MCTP2: variants seen among roughly 807,000 people sequenced by gnomAD.
MCTP2 encodes the protein multiple C2 and transmembrane domain containing 2, also known as multiple C2 and transmembrane domain-containing protein 2.
In MCTP2, 132 loss-of-function variants were observed where a neutral mutation model predicts 111.6. The observed-to-expected ratio is 1.18, with a 90% CI of 1.03 to 1.37. MCTP2 has a LOEUF of 1.37. Among genes scored for constraint, MCTP2 ranks in the 40% most tolerant of loss-of-function variants. The pLI is 0.00. For missense variants in MCTP2, 1,183 were observed against 1,067.9 expected (o/e 1.11, Z -1.50); for synonymous variants, 395 against 387.7 (o/e 1.02, Z -0.22).
intron 1 of MCTP2, among the ~76,000 whole-genome samples, chr15:94,276,006 C>T (rs1331737482): frequency 2.0e-5 from 3 of 151,956 alleles, no homozygotes; most frequent in East Asian, 1.9e-4. Flanking sequence ...CCACCATGCC[C>T]AGCTAATTTT....
intron 19 of MCTP2, among the ~76,000 whole-genome samples, chr15:94,453,676 A>G (rs2084615642): frequency 6.6e-6 from 1 of 151,088 alleles, no homozygotes; most frequent in Non-Finnish European, 1.5e-5. Flanking sequence ...CAGTATATAA[A>G]TAAAAACACA....
At chr15:94,394,049 C>CAAAAAAAAAAAAAAAAAAAAAAAAAAAA (rs767685107) in intron 14 of MCTP2, among the ~76,000 whole-genome samples, 1 of 61,774 alleles carries the variant, frequency 1.6e-5, no homozygotes, top group African/African-American at 5.8e-5. Flanking sequence ...AACTCCATCT[C>CAAAAAAAAAAAAAAAAAAAAAAAAAAAA]AAAAAAAAAA....
At chr15:94,363,698 G>A (rs1167187780) in intron 10 of MCTP2, among the ~76,000 whole-genome samples, 1 of 152,048 alleles carries the variant, frequency 6.6e-6, no homozygotes, top group South Asian at 2.1e-4. Context: ...GATTTCCATC[G>A]TGTAAATCTT....
chr15:94,276,510 T>G (rs1012883434), intron 1 of MCTP2, among the ~76,000 whole-genome samples: 1 of 151,912 alleles, frequency 6.6e-6, no homozygotes, highest in Non-Finnish European at 1.5e-5. Flanking sequence ...AAGTCTTTCT[T>G]TGCTGAAAGT....
intron 1 of MCTP2, among the ~76,000 whole-genome samples, chr15:94,275,118 G>T (rs2074119257): frequency 6.6e-6 from 1 of 152,144 alleles, no homozygotes; most frequent in Non-Finnish European, 1.5e-5. Context: ...ACTTACAATA[G>T]AAATTTTTAT....
chr15:94,258,837 A>C (rs950984587), intron 1 of MCTP2, among the ~76,000 whole-genome samples: 1 of 152,200 alleles, frequency 6.6e-6, no homozygotes, highest in African/African-American at 2.4e-5. Flanking sequence ...AAAGGATTTA[A>C]TTATTCAGAT....
intron 1 of MCTP2, among the ~76,000 whole-genome samples, chr15:94,257,978 G>A (rs2072935109): frequency 6.7e-6 from 1 of 149,992 alleles, no homozygotes; most frequent in Middle Eastern, 3.3e-3. Context: ...TCCATCTCCT[G>A]AGTTCAAGCA....
chr15:94,311,033 T>A (rs2076109045), intron 2 of MCTP2, among the ~76,000 whole-genome samples: 1 of 150,444 alleles, frequency 6.6e-6, no homozygotes, highest in Non-Finnish European at 1.5e-5. Context: ...TTTTTTTTTT[T>A]TTTATTTTTG....
intron 1 of MCTP2, among the ~76,000 whole-genome samples, chr15:94,232,194 T>C (rs1185045710): frequency 6.6e-6 from 1 of 152,260 alleles, no homozygotes; most frequent in Non-Finnish European, 1.5e-5. Context: ...ACAGTGATGT[T>C]GGTGGTGAAC....
chr15:94,379,791 T>A (rs2080012895), intron 12 of MCTP2, among the ~76,000 whole-genome samples: 1 of 144,904 alleles, frequency 6.9e-6, no homozygotes, highest in Admixed American at 6.9e-5. Flanking sequence ...TAATTATATA[T>A]GATATGTAAT....
At chr15:94,380,106 G>A (rs781397293) in intron 12 of MCTP2, among the ~76,000 whole-genome samples, 6 of 151,684 alleles carry the variant, frequency 4.0e-5, no homozygotes, top group Admixed American at 1.3e-4. Flanking sequence ...TCATGCTCTC[G>A]TCTGCATTTC....
In MCTP2 at chr15:94,481,983, C is replaced by T. The variant is rs895758077; in HGVS notation, c.*2949C>T. The T allele has an allele frequency of 3.3e-5, 5 of 152,104 alleles. No homozygotes were observed. The highest frequency in any genetic ancestry group is 3.3e-4 in the Admixed American group (5 of 15,286). 9.4% of individuals were successfully genotyped at this position (152,104 alleles called of 1,614,324 possible). A position where few individuals can be genotyped will look rare whatever the true frequency, so the allele number is the denominator to read the frequency against. ...AATCCCTGACTATGTCAATTATAAA[C>T]TTTTAAATTATGTCTTATATTTGAA... On this transcript the variant is annotated 3_prime_UTR_variant, in exon 23 of 23. Transcript: ENST00000357742.
intron 19 of MCTP2, among the ~76,000 whole-genome samples, chr15:94,449,902 C>G (rs2084336535): frequency 6.6e-6 from 1 of 152,098 alleles, no homozygotes; most frequent in African/African-American, 2.4e-5. Flanking sequence ...CCTTGTTTAC[C>G]TTGTGGTGGC....
At chr15:94,341,071 T>C (rs1400116398) in intron 7 of MCTP2, 147 bp downstream of exon 7, 4 of 592,940 alleles carry the variant, frequency 6.7e-6, no homozygotes, top group African/African-American at 3.7e-5. Context: ...TCTTAAAATA[T>C]CTGTTTTTTA....
chr15:94,341,497 AG>A (rs1217781995), intron 7 of MCTP2: 1 of 152,280 alleles, frequency 6.6e-6, no homozygotes, highest in Non-Finnish European at 1.5e-5. Flanking sequence ...AGCCAATTGA[AG>A]TACCTGCTTT....
chr15:94,390,634 A>G (rs2080899732), intron 14 of MCTP2, among the ~76,000 whole-genome samples: 2 of 152,160 alleles, frequency 1.3e-5, no homozygotes, highest in Admixed American at 1.3e-4. Context: ...GTAATCTGTA[A>G]AACAGGAAAA....
chr15:94,329,467 A>C (rs899520503), intron 4 of MCTP2, among the ~76,000 whole-genome samples: 14 of 152,138 alleles, frequency 9.2e-5, no homozygotes, highest in Non-Finnish European at 2.1e-4. Flanking sequence ...GCTTCTGAGG[A>C]GCTTAGAATC....
At position 94,482,968 on chromosome 15, in the gene MCTP2, A is replaced by G. The variant is rs570462789; in HGVS notation, c.*3934A>G. On this transcript the variant is annotated 3_prime_UTR_variant, in exon 23 of 23. Transcript: ENST00000357742. ...CCTGGCAACAAGCCATTTCAGTGGA[A>G]TGGTAGAAATGGAAACCACGCTGGG... 1 of 152,322 alleles carries G rather than the reference A, an allele frequency of 6.6e-6. No homozygotes were observed. The highest frequency in any genetic ancestry group is 2.1e-4 in the South Asian group (1 of 4,824). 9.4% of individuals were successfully genotyped at this position (152,322 alleles called of 1,614,324 possible).
At chr15:94,339,519 A>G in intron 5 of MCTP2, 87 bp downstream of exon 5, 2 of 1,076,390 alleles carry the variant, frequency 1.9e-6, no homozygotes, top group Non-Finnish European at 2.6e-6. Context: ...GAACTTGCCA[A>G]AATTAATTCT....
Sources: allele counts gnomAD v4.1 joint callset (sites outside exome capture counted in the v4.1 genomes callset), GRCh38; gene constraint gnomAD v4.1.1; transcripts MANE v1.5; gene names NCBI Gene and HGNC (gene_info 2026-07-23, HGNC 2026-07-21).